Variants in APBB1IP observed in about 807,000 individuals in gnomAD.
The protein encoded by APBB1IP is amyloid beta A4 precursor protein-binding family B member 1-interacting protein.
In APBB1IP, 27 loss-of-function variants were observed where a neutral mutation model predicts 64.9. The ratio of observed to expected loss-of-function variants is 0.42; its 90% CI spans 0.31 to 0.57. APBB1IP has a LOEUF of 0.57. Among genes scored for constraint, APBB1IP ranks in the 20% least tolerant of loss-of-function variants. APBB1IP has a pLI of 0.20. For missense variants in APBB1IP, 812 were observed against 845.5 expected (o/e 0.96, Z 0.49); for synonymous variants, 392 against 331.0 (o/e 1.18, Z -2.00).
At chr10:26,539,200 C>G (rs12243111) in intron 10 of APBB1IP, among the ~76,000 whole-genome samples, 1 of 151,852 alleles carries the variant, frequency 6.6e-6, no homozygotes, top group South Asian at 2.1e-4. Flanking sequence ...AGCTTGAGCC[C>G]AAGAGTTCAA....
rs189508355 is a variant in APBB1IP, at chr10:26,492,238, G to A, written c.1-89G>A. 111 of 1,192,548 alleles carry A rather than the reference G, an allele frequency of 9.3e-5. No individual in the cohort carries two copies. The African/African-American group carries it at 1.4e-3, about 15-fold the overall frequency. The allele number at this position is 1,192,548 out of a possible 1,614,324, so 73.9% of individuals were successfully genotyped here. ...TCCCAACTTAGCTGCCCATGGATGG[G>A]GCTCTTGGGGGAAAGAGAGGGATGC... is the stretch of plus-strand genomic sequence containing the variant. On this transcript the variant is annotated intron_variant, in intron 2 of 14. Transcript: ENST00000376236.
chr10:26,478,496 A>G (rs939547255), intron 2 of APBB1IP, among the ~76,000 whole-genome samples: 7 of 151,950 alleles, frequency 4.6e-5, no homozygotes, highest in Non-Finnish European at 1.0e-4. Context: ...CATGCCTGTA[A>G]TCCAGCTACT....
In APBB1IP at chr10:26,500,905, A is replaced by T. The variant is rs45596737; in HGVS notation, c.247A>T (p.Ile83Phe). Residue 83 changes from isoleucine to phenylalanine, a missense_variant, in exon 5 of 15, where the codon ATC becomes TTC. Ile to Phe is a conservative substitution (Grantham distance 21). Coordinates refer to ENST00000376236, the MANE Select transcript of APBB1IP (RefSeq NM_019043.4). ...CATAAGTGAGGCTGAGCAGAGGACA[A>T]TCCAGGCACAGAAAGAGTCCTTGCA... is the stretch of plus-strand genomic sequence containing the variant. Reference protein sequence around the residue: ...ADISEAEQRTIQAQKESLQNQ... With the variant: ...ADISEAEQRTFQAQKESLQNQ... 4.2e-5 allele frequency: 67 copies of T among 1,614,218 alleles called. No individual in the cohort carries two copies. Among genetic ancestry groups the T allele is most frequent in the Non-Finnish European group, 5.4e-5 (64 of 1,180,028 alleles).
intron 14 of APBB1IP, among the ~76,000 whole-genome samples, 190 bp downstream of exon 14, chr10:26,562,619 G>C (rs552429206): frequency 1.3e-5 from 2 of 151,818 alleles, no homozygotes; most frequent in Non-Finnish European, 2.9e-5. Flanking sequence ...GCAATATAGC[G>C]AGAGCTTGTC....
At chr10:26,470,637 C>T (rs1374918108) in intron 2 of APBB1IP, among the ~76,000 whole-genome samples, 1 of 152,212 alleles carries the variant, frequency 6.6e-6, no homozygotes, top group African/African-American at 2.4e-5. Flanking sequence ...TACTAAGCTA[C>T]AGTGTGCAGT....
At chr10:26,460,088 A>G (rs1201558176) in intron 2 of APBB1IP, among the ~76,000 whole-genome samples, 1 of 152,226 alleles carries the variant, frequency 6.6e-6, no homozygotes, top group African/African-American at 2.4e-5. Context: ...CTAAATTCTT[A>G]ATTACAGTTC....
chr10:26,441,010 G>A (rs140489821), intron 2 of APBB1IP, among the ~76,000 whole-genome samples: 7 of 152,064 alleles, frequency 4.6e-5, no homozygotes, highest in African/African-American at 1.7e-4. Context: ...TAGCCTATTG[G>A]ACCACAATCT....
At chr10:26,510,031 G>A (rs533900464) in intron 6 of APBB1IP, among the ~76,000 whole-genome samples, 1 of 152,274 alleles carries the variant, frequency 6.6e-6, no homozygotes, top group South Asian at 2.1e-4. Context: ...GTGCAGTGCT[G>A]CAATCTCGGC....
At chr10:26,458,567 C>T (rs1306593261) in intron 2 of APBB1IP, among the ~76,000 whole-genome samples, 1 of 152,120 alleles carries the variant, frequency 6.6e-6, no homozygotes, top group Non-Finnish European at 1.5e-5. Context: ...CATAACAAAC[C>T]TAAGTTGTAT....
intron 2 of APBB1IP, among the ~76,000 whole-genome samples, chr10:26,473,780 T>C (rs1485324481): frequency 1.3e-5 from 2 of 152,138 alleles, no homozygotes; most frequent in African/African-American, 4.8e-5. Flanking sequence ...GGTGGGCAGA[T>C]CACTTGAGGC....
chr10:26,512,503 T>C (rs887344948), intron 7 of APBB1IP, among the ~76,000 whole-genome samples: 1 of 152,234 alleles, frequency 6.6e-6, no homozygotes, highest in South Asian at 2.1e-4. Context: ...CTTTGTCTAG[T>C]GGAAGAGTTT....
chr10:26,560,236 A>G (rs756601855), intron 12 of APBB1IP, 33 bp downstream of exon 12: 2 of 1,597,066 alleles, frequency 1.3e-6, no homozygotes, highest in Admixed American at 1.7e-5. Flanking sequence ...CCCTGTCTTG[A>G]ACTTGCCAGC....
chr10:26,469,929 T>G (rs1835696849), intron 2 of APBB1IP, among the ~76,000 whole-genome samples: 2 of 152,208 alleles, frequency 1.3e-5, no homozygotes, highest in Non-Finnish European at 2.9e-5. Flanking sequence ...CTTTTCCCTT[T>G]TATTTCAACT....
chr10:26,490,048 A>C (rs1373814750), intron 2 of APBB1IP, among the ~76,000 whole-genome samples: 1 of 152,126 alleles, frequency 6.6e-6, no homozygotes, highest in Non-Finnish European at 1.5e-5. Context: ...GAGGAAGAAG[A>C]AGATCAATGG....
chr10:26,488,720 A>AC, intron 2 of APBB1IP, among the ~76,000 whole-genome samples: 1 of 152,316 alleles, frequency 6.6e-6, no homozygotes, highest in African/African-American at 2.4e-5. Context: ...AATACACACA[A>AC]AATAGGACAA....
At chr10:26,534,728 A>G (rs1316501421) in intron 9 of APBB1IP, among the ~76,000 whole-genome samples, 5 of 152,150 alleles carry the variant, frequency 3.3e-5, no homozygotes, top group Non-Finnish European at 5.9e-5. Flanking sequence ...GGTGCCTGGG[A>G]GCATGAGCAC....
At chr10:26,464,598 AG>A (rs1835628030) in intron 2 of APBB1IP, among the ~76,000 whole-genome samples, 1 of 152,116 alleles carries the variant, frequency 6.6e-6, no homozygotes. Context: ...GTGTGGAGAC[AG>A]GTTCTTGTTG....
chr10:26,442,112 G>A (rs1014690302), intron 2 of APBB1IP, among the ~76,000 whole-genome samples: 2 of 152,212 alleles, frequency 1.3e-5, no homozygotes, highest in East Asian at 1.9e-4. Context: ...AAGAGGAGAT[G>A]TAGAATTCCA....
At chr10:26,494,410 G>C (rs990281558) in intron 3 of APBB1IP, among the ~76,000 whole-genome samples, 2 of 152,160 alleles carry the variant, frequency 1.3e-5, no homozygotes, top group Non-Finnish European at 2.9e-5. Context: ...TCACTTTTCT[G>C]CATAAAATAT....
Sources: allele counts gnomAD v4.1 joint callset (sites outside exome capture counted in the v4.1 genomes callset), GRCh38; gene constraint gnomAD v4.1.1; transcripts MANE v1.5; gene names NCBI Gene and HGNC (gene_info 2026-07-23, HGNC 2026-07-21).